The following NAALADL2 variants were observed in gnomAD, a reference collection of about 807,000 sequenced individuals.
The protein encoded by NAALADL2 is inactive N-acetylated-alpha-linked acidic dipeptidase-like protein 2.
In NAALADL2, 76 loss-of-function variants were observed where a neutral mutation model predicts 87.2. The ratio of observed to expected loss-of-function variants is 0.87; its 90% CI spans 0.72 to 1.05. NAALADL2 has a LOEUF of 1.05. Ranked by LOEUF, NAALADL2 falls within the 50% of genes least tolerant of loss-of-function variation. The pLI, the probability that NAALADL2 is intolerant of heterozygous loss-of-function variation, is 0.00. For synonymous variants in NAALADL2, 354 were observed against 331.0 expected (o/e 1.07, Z -0.75); for missense variants, 1,089 against 945.8 (o/e 1.15, Z -1.99).
At chr3:174,688,175 C>T (rs889492596) in intron 2 of NAALADL2, among the ~76,000 whole-genome samples, 3 of 152,144 alleles carry the variant, frequency 2.0e-5, no homozygotes, top group Non-Finnish European at 4.4e-5. Flanking sequence ...TAAGTCCTGG[C>T]TTCACCATAT....
intron 1 of NAALADL2, among the ~76,000 whole-genome samples, chr3:174,474,944 C>T (rs151014953): frequency 6.6e-6 from 1 of 152,110 alleles, no homozygotes; most frequent in East Asian, 1.9e-4. Context: ...CTGATATAGA[C>T]ATTGCCCTTA....
chr3:174,609,048 A>G (rs1428144260), intron 2 of NAALADL2, among the ~76,000 whole-genome samples: 3 of 151,980 alleles, frequency 2.0e-5, no homozygotes, highest in East Asian at 3.9e-4. Context: ...TATAAACAGA[A>G]CCAAAGACAA....
At chr3:174,915,715 C>G (rs1442870289) in intron 1 of NAALADL2, among the ~76,000 whole-genome samples, 1 of 152,040 alleles carries the variant, frequency 6.6e-6, no homozygotes, top group East Asian at 1.9e-4. Context: ...AATTTTCACC[C>G]AATCAATCTT....
chr3:174,810,252 G>T (rs1335640112), intron 3 of NAALADL2, among the ~76,000 whole-genome samples: 2 of 152,086 alleles, frequency 1.3e-5, no homozygotes, highest in Admixed American at 1.3e-4. Context: ...ATGGACAGAG[G>T]GTGAAAGAGT....
At chr3:175,385,660 A>T (rs939462986) in intron 5 of NAALADL2, among the ~76,000 whole-genome samples, 5 of 152,142 alleles carry the variant, frequency 3.3e-5, no homozygotes, top group African/African-American at 1.2e-4. Flanking sequence ...AAAGATAAAT[A>T]TTTCAGGTGA....
chr3:175,445,355 A>G (rs1720524164), intron 5 of NAALADL2, among the ~76,000 whole-genome samples: 1 of 152,092 alleles, frequency 6.6e-6, no homozygotes, highest in Non-Finnish European at 1.5e-5. Flanking sequence ...ATATTTCTAC[A>G]GGTTTAATTT....
intron 1 of NAALADL2, among the ~76,000 whole-genome samples, chr3:175,023,587 A>G (rs1339092024): frequency 2.6e-5 from 4 of 152,090 alleles, no homozygotes; most frequent in Non-Finnish European, 4.4e-5. Flanking sequence ...AAAAAATTCT[A>G]GAAATACTTT....
intron 1 of NAALADL2, among the ~76,000 whole-genome samples, chr3:174,481,292 T>C (rs1261569252): frequency 6.6e-6 from 1 of 151,992 alleles, no homozygotes; most frequent in Non-Finnish European, 1.5e-5. Context: ...GAAGCCGCCA[T>C]ATATTCCTGA....
At chr3:174,970,326 T>A (rs1486926410) in intron 1 of NAALADL2, among the ~76,000 whole-genome samples, 2 of 152,142 alleles carry the variant, frequency 1.3e-5, no homozygotes, top group Non-Finnish European at 2.9e-5. Flanking sequence ...AAATGGATGG[T>A]TATAGTGAAT....
At chr3:175,548,551 A>C (rs1293913635) in intron 9 of NAALADL2, among the ~76,000 whole-genome samples, 1 of 151,968 alleles carries the variant, frequency 6.6e-6, no homozygotes, top group African/African-American at 2.4e-5. Context: ...CTGAACTTAA[A>C]ATAAAAGTTA....
chr3:175,110,100 C>T (rs984808703), intron 2 of NAALADL2, among the ~76,000 whole-genome samples: 3 of 151,754 alleles, frequency 2.0e-5, no homozygotes, highest in Non-Finnish European at 2.9e-5. Context: ...TGTTTTGGGG[C>T]ATTTTTCCCA....
chr3:175,491,067 A>AT (rs1196846781), intron 9 of NAALADL2, among the ~76,000 whole-genome samples: 2 of 151,646 alleles, frequency 1.3e-5, no homozygotes, highest in African/African-American at 4.8e-5. Flanking sequence ...CAGCATTCAG[A>AT]TAAGTCTGTC....
At chr3:175,540,974 G>C (rs1282917371) in intron 9 of NAALADL2, among the ~76,000 whole-genome samples, 1 of 152,136 alleles carries the variant, frequency 6.6e-6, no homozygotes, top group Admixed American at 6.5e-5. Flanking sequence ...AGAGAGATAA[G>C]ATGATTTAGT....
chr3:174,824,281 T>G (rs1721748258), intron 3 of NAALADL2, among the ~76,000 whole-genome samples: 1 of 152,180 alleles, frequency 6.6e-6, no homozygotes, highest in South Asian at 2.1e-4. Flanking sequence ...ATTATTTTAT[T>G]TGTAATAATC....
Position 174,930,077 on chromosome 3 carries a change from G to A in NAALADL2, c.43+70627G>A, listed in dbSNP as rs191256723. On this transcript the variant is annotated intron_variant, in intron 1 of 13. Transcript: ENST00000454872. The stretch of plus-strand genomic sequence containing the variant: ...TGTAGACCATAGACTTATGAGAAAA[G>A]TATGCATGTAGTATCCAGCAAGGAC... Among the ~76,000 whole-genome samples the A allele has an allele frequency of 3.3e-5, 5 of 152,196 alleles. No homozygotes were observed. The East Asian group carries it at 9.7e-4, about 29-fold the overall frequency.
intron 2 of NAALADL2, among the ~76,000 whole-genome samples, chr3:175,098,801 A>G (rs1721609645): frequency 6.6e-6 from 1 of 152,200 alleles, no homozygotes. Flanking sequence ...TTTTTACTTT[A>G]ACTTCATTAT....
At chr3:175,252,934 G>T (rs1749311277) in intron 3 of NAALADL2, among the ~76,000 whole-genome samples, 1 of 152,174 alleles carries the variant, frequency 6.6e-6, no homozygotes, top group East Asian at 1.9e-4. Flanking sequence ...GCAGAAGTTT[G>T]AAGTTAACAG....
At chr3:175,457,302 T>C (rs907007611) in intron 6 of NAALADL2, among the ~76,000 whole-genome samples, 1 of 152,072 alleles carries the variant, frequency 6.6e-6, no homozygotes, top group Admixed American at 6.6e-5. Context: ...GTTTGTCCCA[T>C]CTCTGGTGCT....
In NAALADL2 at chr3:175,234,128, G is replaced by A. The variant is rs1745437266; in HGVS notation, c.743G>A (p.Ser248Asn). ...QCFHPNGQPC[S>N]EEARKDSSQD... ...TTTCATCCTAATGGCCAGCCTTGCA[G>A]TGAAGAAGCCAGAAAAGATAGCAGC... is the stretch of plus-strand genomic sequence containing the variant. The change falls in exon 3 of 14, where the codon AGT becomes AAT. Residue 248 changes from serine to asparagine, a missense_variant. Coordinates refer to ENST00000454872, the MANE Select transcript of NAALADL2 (RefSeq NM_207015.3). The A allele has an allele frequency of 6.2e-7, 1 of 1,613,886 alleles. No homozygotes were observed. Among genetic ancestry groups the A allele is most frequent in the Non-Finnish European group, 8.5e-7 (1 of 1,179,834 alleles).
Sources: gnomAD v4.1 joint callset for allele counts (sites outside exome capture counted in the v4.1 genomes callset) on GRCh38, gnomAD v4.1.1 for gene constraint, MANE v1.5 for transcripts, NCBI Gene and HGNC (gene_info 2026-07-23, HGNC 2026-07-21) for gene names.